Variants in TRAPPC10 observed in about 807,000 individuals in gnomAD.
The protein encoded by TRAPPC10 is trafficking protein particle complex subunit 10.
In TRAPPC10, 23 loss-of-function variants were observed where a neutral mutation model predicts 125.5. The ratio of observed to expected loss-of-function variants is 0.18; its 90% CI spans 0.13 to 0.26. The LOEUF is 0.26. TRAPPC10 is among the 10% of genes least tolerant of loss of function. The pLI, the probability that TRAPPC10 is intolerant of heterozygous loss-of-function variation, is 1.00. For synonymous variants in TRAPPC10, 509 were observed against 518.0 expected, an observed-to-expected ratio of 0.98 and a Z score of 0.24; for missense variants, 1,123 against 1,308.4, an observed-to-expected ratio of 0.86 and a Z score of 2.19.
At chr21:44,065,776 G>C (rs1309130499) in intron 7 of TRAPPC10, among the ~76,000 whole-genome samples, 1 of 152,212 alleles carries the variant, frequency 6.6e-6, no homozygotes, top group Non-Finnish European at 1.5e-5. Flanking sequence ...ACCTGTGTTT[G>C]ATCAACACTG....
intron 3 of TRAPPC10, among the ~76,000 whole-genome samples, chr21:44,047,432 T>C (rs906037138): frequency 6.6e-6 from 1 of 152,132 alleles, no homozygotes; most frequent in Non-Finnish European, 1.5e-5. Context: ...CCCAAAGTGC[T>C]GGGATTACAG....
At chr21:44,055,974 A>T in intron 5 of TRAPPC10, 81 bp downstream of exon 5, 1 of 1,264,234 alleles carries the variant, frequency 7.9e-7, no homozygotes, top group Non-Finnish European at 1.1e-6. Flanking sequence ...CTTTCTTTCT[A>T]AGTAAGGCAC....
rs2037879737 is a variant in TRAPPC10, at chr21:44,083,180, C to G, written c.2116C>G (p.Gln706Glu). ...CRNVHMLLRR[Q>E]ESSSSLEMPS... ...AAACGTCCACATGCTCCTGAGAAGGCAGGAGAGCAGCTCCTCTCTAGAGAT... is the reference window on the plus strand; with the variant it reads ...AAACGTCCACATGCTCCTGAGAAGGGAGGAGAGCAGCTCCTCTCTAGAGAT... Residue 706 changes from glutamine to glutamate, a missense_variant, in exon 14 of 23, where the codon CAG (glutamine) becomes GAG (glutamate). By Grantham distance (29) the Gln-to-Glu change is conservative. Around this residue, in one of 4 missense-constraint regions of TRAPPC10, gnomAD observed 840 missense variants for 902.0 expected, o/e 0.93. Coordinates refer to ENST00000291574, the MANE Select transcript of TRAPPC10 (RefSeq NM_003274.5). 1 of 1,614,210 alleles carries G rather than the reference C, an allele frequency of 6.2e-7. No individual in the cohort carries two copies. Among genetic ancestry groups the G allele is most frequent in the Non-Finnish European group, 8.5e-7 (1 of 1,180,042 alleles).
chr21:44,046,118 G>A (rs2034788088), intron 3 of TRAPPC10, among the ~76,000 whole-genome samples: 1 of 152,156 alleles, frequency 6.6e-6, no homozygotes, highest in African/African-American at 2.4e-5. Context: ...AAAACCCACT[G>A]CTTCAGAATC....
intron 2 of TRAPPC10, among the ~76,000 whole-genome samples, chr21:44,034,996 C>T (rs571759599): frequency 6.6e-6 from 1 of 152,210 alleles, no homozygotes; most frequent in African/African-American, 2.4e-5. Flanking sequence ...AGCTAATGTC[C>T]TAAGCCTCCA....
rs143249970 is a variant in TRAPPC10, at chr21:44,083,309, G to T, written c.2238+7G>T. ...GATAACATTCAGGACTCAGGTATGC[G>T]TTCAGGGTGGGAACTTGACTTTCAA... On this transcript the variant is annotated splice_region_variant and intron_variant, in intron 14 of 22. Transcript: ENST00000291574. The T allele has an allele frequency of 3.3e-4, 537 of 1,609,766 alleles. 7 individuals are homozygous for T. In the Middle Eastern group the frequency reaches 8.6e-3, roughly 26 times the overall value.
intron 1 of TRAPPC10, among the ~76,000 whole-genome samples, chr21:44,015,589 T>A (rs2031735881): frequency 1.3e-5 from 2 of 151,302 alleles, no homozygotes; most frequent in South Asian, 4.2e-4. Context: ...ATTATTTTAA[T>A]AATATTTTGA....
intron 1 of TRAPPC10, among the ~76,000 whole-genome samples, chr21:44,022,753 CCTCT>C (rs1448726082): frequency 6.6e-6 from 1 of 151,536 alleles, no homozygotes; most frequent in African/African-American, 2.4e-5. Flanking sequence ...CTTCATGTTC[CCTCT>C]GTCTCTTTTT....
At chr21:44,092,436 G>A (rs2038649809) in intron 19 of TRAPPC10, among the ~76,000 whole-genome samples, 1 of 152,250 alleles carries the variant, frequency 6.6e-6, no homozygotes, top group Non-Finnish European at 1.5e-5. Context: ...AAAGAGCCAT[G>A]CTTGTGCCTG....
chr21:44,070,750 A>T (rs2036805335), intron 7 of TRAPPC10, among the ~76,000 whole-genome samples: 1 of 152,186 alleles, frequency 6.6e-6, no homozygotes, highest in Non-Finnish European at 1.5e-5. Context: ...CTAATGGGTA[A>T]AATAAGCCAG....
intron 7 of TRAPPC10, among the ~76,000 whole-genome samples, chr21:44,073,332 G>A (rs1022259575): frequency 6.6e-6 from 1 of 152,124 alleles, no homozygotes; most frequent in African/African-American, 2.4e-5. Flanking sequence ...GATTTGAAGA[G>A]CACAGGTGAA....
rs575980486 is a variant in TRAPPC10, at chr21:44,059,595, G to C, written c.790+381G>C. On this transcript the variant is annotated intron_variant, in intron 6 of 22. Coordinates refer to ENST00000291574, the MANE Select transcript of TRAPPC10 (RefSeq NM_003274.5). The surrounding 1 kb of genome is among the most constrained non-coding windows in gnomAD (Gnocchi z 4.4). ...TCTTTGGAATGCTCGAGTGCTCATT[G>C]CTGTGAACTTATAAAATGCCCTTGG... 1.2e-4 allele frequency: 77 copies of C among 668,732 alleles called. No homozygotes were observed. Among genetic ancestry groups the C allele is most frequent in the Non-Finnish European group, 2.0e-4 (72 of 364,126 alleles). 41.4% of individuals were successfully genotyped at this position (668,732 alleles called of 1,614,324 possible).
At position 44,087,991 on chromosome 21, in the gene TRAPPC10, A is replaced by G; in HGVS notation, c.2769+63A>G. 2 of 1,434,854 alleles carry G rather than the reference A, an allele frequency of 1.4e-6. No homozygotes were observed. The highest frequency in any genetic ancestry group is 1.9e-6 in the Non-Finnish European group (2 of 1,041,098). 88.9% of individuals were successfully genotyped at this position (1,434,854 alleles called of 1,614,324 possible). ...GTCCGCCGCCCGCCTGCCTGCTGGG[A>G]AAGGCGATGTAGCGATGCCTGCTGT... On this transcript the variant is annotated intron_variant, in intron 17 of 22. Transcript: ENST00000291574. The surrounding 1 kb of genome is among the most constrained non-coding windows in gnomAD (Gnocchi z 4.6).
rs777243233 is a variant in TRAPPC10 at position 44,079,649 on chromosome 21, A to G, written c.1555A>G (p.Thr519Ala). The change falls in exon 12 of 23, where the codon ACA becomes GCA. Residue 519 changes from threonine to alanine, a missense_variant. This residue lies in a region of TRAPPC10 where 840 missense variants were observed against 902.0 expected (regional missense o/e 0.93). Coordinates refer to ENST00000291574, the MANE Select transcript of TRAPPC10 (RefSeq NM_003274.5). ...YLAEGWALPI[T>A]HTRKQLAECQ... is the part of the protein sequence containing the mutation. ...GGCTGAGGGCTGGGCACTCCCCATC[A>G]CACACACAAGGAAGCAGCTGGCCGA... The G allele has an allele frequency of 4.0e-5, 65 of 1,611,304 alleles. No homozygotes were observed. The highest frequency in any genetic ancestry group is 5.4e-5 in the Non-Finnish European group (64 of 1,179,384).
intron 7 of TRAPPC10, among the ~76,000 whole-genome samples, chr21:44,072,588 C>T (rs952734033): frequency 1.3e-5 from 2 of 152,156 alleles, no homozygotes; most frequent in African/African-American, 2.4e-5. Flanking sequence ...CTAAGCCTCT[C>T]GAGTAGCTGG....
chr21:44,017,500 T>A (rs956961737), intron 1 of TRAPPC10, among the ~76,000 whole-genome samples: 1 of 152,128 alleles, frequency 6.6e-6, no homozygotes, highest in East Asian at 1.9e-4. Flanking sequence ...TCATGGCATC[T>A]CTAGGCTAAA....
intron 2 of TRAPPC10, among the ~76,000 whole-genome samples, chr21:44,037,305 T>C (rs1286395536): frequency 6.6e-6 from 1 of 152,214 alleles, no homozygotes; most frequent in Non-Finnish European, 1.5e-5. Flanking sequence ...GCTATTTTAT[T>C]TGTGCTCTGC....
chr21:44,087,615 C>A lies in TRAPPC10; in HGVS notation c.2540-84C>A. The A allele has an allele frequency of 7.8e-7, 1 of 1,283,906 alleles. No individual in the cohort carries two copies. The highest frequency in any genetic ancestry group is 1.1e-6 in the Non-Finnish European group (1 of 901,168). The allele number at this position is 1,283,906 out of a possible 1,614,324, so 79.5% of individuals were successfully genotyped here. On this transcript the variant is annotated intron_variant, in intron 16 of 22. Transcript: ENST00000291574. The surrounding 1 kb of genome is among the most constrained non-coding windows in gnomAD (Gnocchi z 4.6). ...CGGGAGAGGTTGAGCAGTGGCCTCA[C>A]TGCTGGGCCATCACCTGCTGTAAGG... is the stretch of plus-strand genomic sequence containing the variant.
intron 3 of TRAPPC10, among the ~76,000 whole-genome samples, chr21:44,045,476 C>G (rs1363236375): frequency 3.3e-5 from 5 of 152,002 alleles, no homozygotes; most frequent in East Asian, 1.9e-4. Context: ...CCATTGTTTC[C>G]CATGAGAAAT....
Sources: gnomAD v4.1 joint callset for allele counts (sites outside exome capture counted in the v4.1 genomes callset) on GRCh38, gnomAD v4.1.1 for gene constraint, gnomAD v4.1.1 regional missense constraint, Gnocchi (gnomAD v3.1) non-coding constraint, MANE v1.5 for transcripts, NCBI Gene and HGNC (gene_info 2026-07-23, HGNC 2026-07-21) for gene names.